IGSF10: variants seen among roughly 807,000 people sequenced by gnomAD.
IGSF10 encodes the protein immunoglobulin superfamily member 10.
IGSF10 carries 126 observed loss-of-function variants against 128.2 expected under a neutral mutation model. The observed-to-expected ratio is 0.98, with a 90% CI of 0.85 to 1.14. The LOEUF (loss-of-function observed/expected upper bound fraction) is 1.14. IGSF10 is among the 50% of genes most tolerant of loss of function. The pLI, the probability that IGSF10 is intolerant of heterozygous loss-of-function variation, is 0.00. For missense variants in IGSF10, 3,295 were observed against 3,149.8 expected, an observed-to-expected ratio of 1.05 and a Z score of -1.10; for synonymous variants, 1,185 against 1,146.2, an observed-to-expected ratio of 1.03 and a Z score of -0.68.
At chr3:151,526,552 A>G in the IGSF10 span, among the ~76,000 whole-genome samples, 2 of 152,088 alleles carry the variant, frequency 1.3e-5, no homozygotes, top group African/African-American at 4.8e-5. Flanking sequence ...TCTATTGTCA[A>G]TTTAAATTTA....
At chr3:151,553,663 T>C in the IGSF10 span, among the ~76,000 whole-genome samples, 24 of 151,684 alleles carry the variant, frequency 1.6e-4, no homozygotes, top group Middle Eastern at 6.8e-3. Flanking sequence ...ATTTACAATA[T>C]ATATGGTATT....
chr3:151,460,840 C>G, intron 1 of IGSF10, 106 bp downstream of exon 1: 10 of 836,024 alleles, frequency 1.2e-5, no homozygotes, highest in Non-Finnish European at 1.4e-5. Flanking sequence ...CCTCCCCGCC[C>G]CAGCGCCCGC....
the IGSF10 span, among the ~76,000 whole-genome samples, chr3:151,546,971 A>C: frequency 4.1e-3 from 620 of 151,956 alleles, 6 homozygotes; most frequent in African/African-American, 0.014. Context: ...GGGTTTCACC[A>C]TGTGGACCAG....
At chr3:151,589,137 G>A in the IGSF10 span, among the ~76,000 whole-genome samples, 10 of 152,188 alleles carry the variant, frequency 6.6e-5, no homozygotes, top group Non-Finnish European at 1.0e-4. Flanking sequence ...ATTTTCTTCA[G>A]TAAAATTTTA....
In IGSF10 at chr3:151,443,047, C is replaced by G; in HGVS notation, c.5900G>C (p.Gly1967Ala). The G allele has an allele frequency of 1.2e-6, 2 of 1,614,184 alleles. No individual in the cohort carries two copies. The highest frequency in any genetic ancestry group is 1.7e-6 in the Non-Finnish European group (2 of 1,180,038). Residue 1967 changes from glycine (G) to alanine (A), a missense_variant, in exon 7 of 8, where the codon GGG becomes GCG. Physicochemically the swap from Gly to Ala is moderately conservative, Grantham distance 60. Coordinates refer to ENST00000282466, the MANE Select transcript of IGSF10 (RefSeq NM_178822.5). ...CCACATTATTTGGGGTTTGGGCTCC[C>G]CAGTGGCTGAGCAGTTCAGTAGTAA... ...DKLLLNCSAT[G>A]EPKPQIMWRL...
the IGSF10 span, among the ~76,000 whole-genome samples, chr3:151,533,094 T>A: frequency 6.6e-6 from 1 of 152,050 alleles, no homozygotes; most frequent in Admixed American, 6.6e-5. Context: ...TACCTAGGAA[T>A]AAAACTTACA....
At chr3:151,598,108 T>A in the IGSF10 span, among the ~76,000 whole-genome samples, 2 of 147,860 alleles carry the variant, frequency 1.4e-5, no homozygotes, top group Admixed American at 1.4e-4. Flanking sequence ...TGTGTGTGTG[T>A]GTGAATACTT....
At chr3:151,531,486 C>T in the IGSF10 span, among the ~76,000 whole-genome samples, 1 of 152,196 alleles carries the variant, frequency 6.6e-6, no homozygotes, top group African/African-American at 2.4e-5. Flanking sequence ...CAAACAGTCT[C>T]TCAGACCACA....
In IGSF10 at chr3:151,445,334, A is replaced by C; in HGVS notation, c.4647T>G (p.Ser1549=). Residue 1549 remains serine (S), a synonymous_variant, in exon 6 of 8, where the codon TCT becomes TCG. Transcript: ENST00000282466. The stretch of plus-strand genomic sequence containing the variant: ...CTGTTGTTAGTGCTGGCATGGGAGT[A>C]GAATGTAACAGATTAGAGTAGATGA... ...THFIYSNLLH[S]TPMPALTTVK... is the part of the protein sequence containing the mutation. 6.2e-7 allele frequency: 1 copy of C among 1,614,194 alleles called. No individual in the cohort carries two copies. The highest frequency in any genetic ancestry group is 1.7e-5 in the Admixed American group (1 of 60,030).
At chr3:151,554,364 G>GT in the IGSF10 span, among the ~76,000 whole-genome samples, 426 of 150,616 alleles carry the variant, frequency 2.8e-3, 2 homozygotes, top group East Asian at 0.012. Flanking sequence ...AGATCAGCCT[G>GT]TTTTTTTTTC....
At chr3:151,505,098 C>G in the IGSF10 span, among the ~76,000 whole-genome samples, 3 of 152,192 alleles carry the variant, frequency 2.0e-5, no homozygotes, top group Admixed American at 6.5e-5. Flanking sequence ...GCACCCCACT[C>G]TCTGTGGTAC....
chr3:151,447,238 G>A lies in IGSF10; in HGVS notation c.2743C>T (p.His915Tyr). 1 of 1,614,206 alleles carries A rather than the reference G, an allele frequency of 6.2e-7. No homozygotes were observed. The highest frequency in any genetic ancestry group is 1.6e-4 in the Middle Eastern group (1 of 6,062). ...DSDQMGRGRE[H>Y]FQSRPPITVR... The stretch of plus-strand genomic sequence containing the variant: ...GTTATTGGGGGTCTACTTTGGAAAT[G>A]CTCTCTTCCTCTTCCCATCTGGTCA... Residue 915 changes from histidine to tyrosine, a missense_variant, in exon 6 of 8, where the codon CAT (histidine) becomes TAT (tyrosine). Transcript: ENST00000282466.
chr3:151,432,493 G>T (rs1294968840), downstream of IGSF10, among the ~76,000 whole-genome samples: 3 of 152,188 alleles, frequency 2.0e-5, no homozygotes, highest in Non-Finnish European at 4.4e-5. Flanking sequence ...TTAGTTCAGA[G>T]GGAGACACTC....
the IGSF10 span, among the ~76,000 whole-genome samples, chr3:151,493,651 G>A: frequency 2.6e-5 from 4 of 152,122 alleles, no homozygotes; most frequent in Admixed American, 2.0e-4. Flanking sequence ...CATAGCCTAG[G>A]TGTATAGTAG....
the IGSF10 span, among the ~76,000 whole-genome samples, chr3:151,477,142 A>AT: frequency 1.3e-5 from 2 of 152,120 alleles, no homozygotes; most frequent in South Asian, 2.1e-4. Flanking sequence ...TGCTTTACAA[A>AT]TTTTTTTTAA....
rs368203195 is a variant in IGSF10, at chr3:151,437,701, C to T, written c.6860G>A (p.Gly2287Glu). The T allele has an allele frequency of 1.2e-6, 2 of 1,614,170 alleles. No individual in the cohort carries two copies. The highest frequency in any genetic ancestry group is 1.3e-5 in the African/African-American group (1 of 75,044). ...DNIFLTAPYY[G>E]SRITVHKNGT... Reference sequence around the variant, plus strand: ...ATTTTTATGGACTGTGATTCTGCTTCCATAGTATGGGGCTGTGAGGAAAAT... The same window carrying T: ...ATTTTTATGGACTGTGATTCTGCTTTCATAGTATGGGGCTGTGAGGAAAAT... The change falls in exon 8 of 8, where the codon GGA (glycine) becomes GAA (glutamate). Residue 2287 changes from glycine (G) to glutamate (E), a missense_variant. Physicochemically the swap from Gly to Glu is moderately conservative, Grantham distance 98. Coordinates refer to ENST00000282466, the MANE Select transcript of IGSF10 (RefSeq NM_178822.5).
chr3:151,445,469 C>T lies in IGSF10; in HGVS notation c.4512G>A (p.Lys1504=), dbSNP rs1279434956. The change falls in exon 6 of 8, where the codon AAG becomes AAA. Residue 1504 remains lysine (K), a synonymous_variant. Coordinates refer to ENST00000282466, the MANE Select transcript of IGSF10 (RefSeq NM_178822.5). ...ISGLMTNTVV[K]LHESSRHNAK... ...CATTGTGCCTTGAGGATTCGTGCAG[C>T]TTGACCACTGTATTTGTCATAAGCC... 1.9e-6 allele frequency: 3 copies of T among 1,614,174 alleles called. No homozygotes were observed. In the East Asian group the frequency reaches 6.7e-5, roughly 36 times the overall value.
the IGSF10 span, among the ~76,000 whole-genome samples, chr3:151,515,350 C>T: frequency 6.6e-6 from 1 of 151,196 alleles, no homozygotes; most frequent in Non-Finnish European, 1.5e-5. Context: ...CCATCATTCT[C>T]AGCAAACTAT....
chr3:151,479,310 T>C, the IGSF10 span, among the ~76,000 whole-genome samples: 65 of 152,300 alleles, frequency 4.3e-4, no homozygotes, highest in African/African-American at 1.2e-3. Flanking sequence ...CCTGCACATA[T>C]TGAAAACAAA....
Sources: gnomAD v4.1 joint callset for allele counts (sites outside exome capture counted in the v4.1 genomes callset) on GRCh38, gnomAD v4.1.1 for gene constraint, MANE v1.5 for transcripts, NCBI Gene and HGNC (gene_info 2026-07-23, HGNC 2026-07-21) for gene names.